The following HOOK3 variants were observed in gnomAD, a reference collection of about 807,000 sequenced individuals.
HOOK3 encodes the protein protein Hook homolog 3.
A neutral mutation model predicts 116.3 loss-of-function variants in HOOK3; 24 were observed. That is an observed-to-expected ratio of 0.21 (90% CI 0.15 to 0.29). The LOEUF (loss-of-function observed/expected upper bound fraction) is 0.29, where lower values mean the gene tolerates loss of function less well. HOOK3 is among the 10% of genes least tolerant of loss of function. HOOK3 has a pLI of 1.00. For missense variants in HOOK3, 632 were observed against 830.2 expected (o/e 0.76, Z 2.93); for synonymous variants, 275 against 283.0 (o/e 0.97, Z 0.28).
At position 42,982,263 on chromosome 8, in the gene HOOK3, AAAAAAAAG is replaced by A. The variant is rs1401607530; in HGVS notation, c.1322-356_1322-349del. The stretch of plus-strand genomic sequence containing the variant: ...GAGTGAGACTCTGTCTTAAAAAAAA[AAAAAAAAG>A]AAAAAAAAAAAGAAAAAAGGTAGAA... On this transcript the variant is annotated intron_variant, in intron 13 of 21. Transcript: ENST00000307602. 7.1e-3 allele frequency among the ~76,000 whole-genome samples: 1,026 copies of A among 144,248 alleles called. 17 individuals are homozygous for A. Among genetic ancestry groups the A allele is most frequent in the African/African-American group, 0.025 (949 of 38,544 alleles). 94.6% of individuals were successfully genotyped at this position (144,248 alleles called of 152,430 possible).
At chr8:42,999,639 G>A (rs866503451) in intron 16 of HOOK3, among the ~76,000 whole-genome samples, 1 of 152,130 alleles carries the variant, frequency 6.6e-6, no homozygotes, top group Non-Finnish European at 1.5e-5. Flanking sequence ...GTTATCAAAA[G>A]CACAGTCCTT....
Position 42,897,179 on chromosome 8 carries a change from C to T in HOOK3, c.48C>T (p.Leu16=), listed in dbSNP as rs749452734. 7.2e-6 allele frequency: 9 copies of T among 1,247,898 alleles called. No homozygotes were observed. The highest frequency in any genetic ancestry group is 6.3e-5 in the East Asian group (2 of 31,934). 77.3% of individuals were successfully genotyped at this position (1,247,898 alleles called of 1,614,324 possible). The change falls in exon 1 of 22, where the codon CTC becomes CTT. Residue 16 remains leucine (L), a synonymous_variant. Transcript: ENST00000307602. ...AGCGGGCGGAGCTGTGCGAGAGCCT[C>T]CTCACTTGGGTACGTGGGGGCCGCG... is the stretch of plus-strand genomic sequence containing the variant. ...SLERAELCES[L]LTWIQTFNVD...
chr8:42,953,944 A>G (rs1035702787), intron 6 of HOOK3, among the ~76,000 whole-genome samples: 3 of 152,196 alleles, frequency 2.0e-5, no homozygotes, highest in South Asian at 2.1e-4. Flanking sequence ...ATTGTGCCGT[A>G]TCCCTTCAAT....
chr8:43,012,489 C>T lies in HOOK3; in HGVS notation c.1840-562C>T, dbSNP rs984707994. 7.9e-5 allele frequency among the ~76,000 whole-genome samples: 12 copies of T among 152,232 alleles called. No homozygotes were observed. In the South Asian group the frequency reaches 2.5e-3, roughly 32 times the overall value. The stretch of plus-strand genomic sequence containing the variant: ...ATTTATTAATTTTAAGCCAGAATTA[C>T]TTTTTATAATTGGTTCTTTATATAA... On this transcript the variant is annotated intron_variant, in intron 19 of 21. Coordinates refer to ENST00000307602, the MANE Select transcript of HOOK3 (RefSeq NM_032410.4).
In HOOK3 at chr8:43,029,002, TG is replaced by T. The variant is rs1276140287; in HGVS notation, c.*10505del. On this transcript the variant is annotated 3_prime_UTR_variant, in exon 22 of 22. Coordinates refer to ENST00000307602, the MANE Select transcript of HOOK3 (RefSeq NM_032410.4). ...CTTCTTGGTGACCTACTTTAGTATGTGTTCTGTAGCGATTCATATTAGTTAA... is the reference window on the plus strand; with the variant it reads ...CTTCTTGGTGACCTACTTTAGTATGTTTCTGTAGCGATTCATATTAGTTAA... 5.0e-6 allele frequency: 1 copy of T among 198,462 alleles called. No homozygotes were observed. The highest frequency in any genetic ancestry group is 7.8e-5 in the East Asian group (1 of 12,800). The allele number at this position is 198,462 out of a possible 1,614,324, so 12.3% of individuals were successfully genotyped here. A position where few individuals can be genotyped will look rare whatever the true frequency, so the allele number is the denominator to read the frequency against.
intron 21 of HOOK3, among the ~76,000 whole-genome samples, chr8:43,016,186 C>T (rs556091057): frequency 6.7e-6 from 1 of 150,056 alleles, no homozygotes; most frequent in South Asian, 2.1e-4. Flanking sequence ...GGCACGATCT[C>T]GGCTCACTGT....
In HOOK3 at chr8:43,025,761, C is replaced by T. The variant is rs1586640351; in HGVS notation, c.*7263C>T. On this transcript the variant is annotated 3_prime_UTR_variant, in exon 22 of 22. Transcript: ENST00000307602. ...AAAATCGTGACCAACTTGGTGTTATCTAGATCTGCTTTATCTAGTTTGCAA... is the reference window on the plus strand; with the variant it reads ...AAAATCGTGACCAACTTGGTGTTATTTAGATCTGCTTTATCTAGTTTGCAA... 5 of 215,668 alleles carry T rather than the reference C, an allele frequency of 2.3e-5. No individual in the cohort carries two copies. The East Asian group carries it at 3.5e-4, about 15-fold the overall frequency. 13.4% of individuals were successfully genotyped at this position (215,668 alleles called of 1,614,324 possible).
At chr8:42,963,479 T>C (rs1297044878) in intron 8 of HOOK3, among the ~76,000 whole-genome samples, 2 of 152,262 alleles carry the variant, frequency 1.3e-5, no homozygotes, top group Non-Finnish European at 2.9e-5. Flanking sequence ...ATAAACATTG[T>C]TCCTAAGTCT....
chr8:42,938,217 C>CTTTTTTTTTTTTTTTTTTTTTT (rs145868661), intron 4 of HOOK3, among the ~76,000 whole-genome samples: 4 of 132,292 alleles, frequency 3.0e-5, no homozygotes, highest in Admixed American at 7.5e-5. Flanking sequence ...GCAACCCCTG[C>CTTTTTTTTTTTTTTTTTTTTTT]TTTTTTTTTT....
chr8:42,960,422 T>C (rs1808514694), intron 8 of HOOK3, among the ~76,000 whole-genome samples: 1 of 152,200 alleles, frequency 6.6e-6, no homozygotes, highest in Non-Finnish European at 1.5e-5. Context: ...CTACAGCATG[T>C]TTTGCTGTGG....
chr8:43,009,486 G>A (rs751293158), intron 18 of HOOK3, among the ~76,000 whole-genome samples: 4 of 151,744 alleles, frequency 2.6e-5, no homozygotes, highest in Admixed American at 1.3e-4. Context: ...TGAATTTTTC[G>A]TTAACTCTGT....
At chr8:43,016,989 C>T (rs1019236376) in intron 21 of HOOK3, among the ~76,000 whole-genome samples, 2 of 151,762 alleles carry the variant, frequency 1.3e-5, no homozygotes, top group Admixed American at 6.6e-5. Flanking sequence ...GCCTGGGCAA[C>T]ATGGCAAGAC....
intron 14 of HOOK3, 56 bp from the exon 15 acceptor site, chr8:42,986,599 A>G (rs1809053283): frequency 2.9e-6 from 4 of 1,397,250 alleles, no homozygotes; most frequent in Non-Finnish European, 3.9e-6. Context: ...TGTGTTGTAT[A>G]TTAATGCACC....
At chr8:42,908,936 G>A (rs1018245198) in intron 2 of HOOK3, among the ~76,000 whole-genome samples, 2 of 152,192 alleles carry the variant, frequency 1.3e-5, no homozygotes, top group Non-Finnish European at 2.9e-5. Context: ...TATCCAGTCT[G>A]TATAAGAAAC....
chr8:42,939,367 C>G (rs1397216185), intron 4 of HOOK3, among the ~76,000 whole-genome samples: 1 of 151,064 alleles, frequency 6.6e-6, no homozygotes, highest in Non-Finnish European at 1.5e-5. Context: ...CACCTCCCTC[C>G]TGGACGGGGC....
At chr8:42,960,559 T>G (rs962890162) in intron 8 of HOOK3, among the ~76,000 whole-genome samples, 1 of 152,144 alleles carries the variant, frequency 6.6e-6, no homozygotes, top group African/African-American at 2.4e-5. Flanking sequence ...GTTTGAGAAG[T>G]AAAACAGGAG....
chr8:42,978,685 A>G (rs1178902571), intron 13 of HOOK3, among the ~76,000 whole-genome samples: 1 of 152,022 alleles, frequency 6.6e-6, no homozygotes, highest in Non-Finnish European at 1.5e-5. Context: ...AAGTGCTGGG[A>G]TTACAGCCAT....
At chr8:42,975,009 T>C (rs953932300) in intron 13 of HOOK3, among the ~76,000 whole-genome samples, 1 of 152,050 alleles carries the variant, frequency 6.6e-6, no homozygotes, top group Non-Finnish European at 1.5e-5. Context: ...CACTAGAGGA[T>C]ATGAACTCCC....
chr8:42,919,517 C>T (rs1039461018), intron 2 of HOOK3, among the ~76,000 whole-genome samples: 6 of 151,724 alleles, frequency 4.0e-5, no homozygotes, highest in African/African-American at 1.5e-4. Flanking sequence ...CAGGCAGAGA[C>T]GCTCCTCACT....
Sources: gnomAD v4.1 joint callset for allele counts (sites outside exome capture counted in the v4.1 genomes callset) on GRCh38, gnomAD v4.1.1 for gene constraint, MANE v1.5 for transcripts, NCBI Gene and HGNC (gene_info 2026-07-23, HGNC 2026-07-21) for gene names.